MAP3K5: variants seen among roughly 807,000 people sequenced by gnomAD.
MAP3K5 encodes ASK-1.
Under a neutral mutation model 158.7 loss-of-function variants are expected in MAP3K5, and 56 were observed. The ratio of observed to expected loss-of-function variants is 0.35; its 90% CI spans 0.28 to 0.44. MAP3K5 has a LOEUF of 0.44. Ranked by LOEUF, MAP3K5 falls within the 20% of genes least tolerant of loss-of-function variation. MAP3K5 has a pLI of 1.00. For missense variants in MAP3K5, 1,294 were observed against 1,674.8 expected (o/e 0.77, Z 3.97); for synonymous variants, 579 against 601.7 (o/e 0.96, Z 0.55).
At chr6:136,667,628 G>A (rs1332802136) in intron 8 of MAP3K5, among the ~76,000 whole-genome samples, 1 of 151,924 alleles carries the variant, frequency 6.6e-6, no homozygotes, top group Non-Finnish European at 1.5e-5. Flanking sequence ...TTTGAAAAAA[G>A]CACTAAGAAA....
intron 1 of MAP3K5, among the ~76,000 whole-genome samples, chr6:136,765,720 G>C (rs1232444858): frequency 1.4e-5 from 2 of 143,352 alleles, no homozygotes; most frequent in African/African-American, 2.6e-5. Flanking sequence ...AGTAGAGACA[G>C]GGTTTCACCA....
Position 136,567,881 on chromosome 6 carries a change from G to T in MAP3K5, c.3518-7C>A. ...CTGAAATGTGGCCTTAGTTCTGTTT[G>T]GCATAATATCAGTGGTAGTGTTTAT... On this transcript the variant is annotated splice_polypyrimidine_tract_variant and splice_region_variant and intron_variant, in intron 25 of 29. Transcript: ENST00000359015. The T allele has an allele frequency of 1.9e-6, 3 of 1,613,046 alleles. No homozygotes were observed. Among genetic ancestry groups the T allele is most frequent in the Non-Finnish European group, 2.5e-6 (3 of 1,179,724 alleles).
At chr6:136,574,941 G>A (rs1388530654) in intron 25 of MAP3K5, among the ~76,000 whole-genome samples, 3 of 151,596 alleles carry the variant, frequency 2.0e-5, no homozygotes, top group Non-Finnish European at 2.9e-5. Context: ...CGCCCGCCTC[G>A]GCCTCCCAAA....
intron 2 of MAP3K5, among the ~76,000 whole-genome samples, chr6:136,713,769 G>T (rs1326222132): frequency 9.8e-6 from 1 of 102,458 alleles, no homozygotes; most frequent in East Asian, 2.6e-4. Flanking sequence ...GTTGAACCAG[G>T]AAGAGTAGAG....
In MAP3K5 at chr6:136,613,996, T is replaced by C. The variant is rs1274631564; in HGVS notation, c.2278+163A>G. On this transcript the variant is annotated intron_variant, in intron 16 of 29. Coordinates refer to ENST00000359015, the MANE Select transcript of MAP3K5 (RefSeq NM_005923.4). The surrounding 1 kb of genome is among the most constrained non-coding windows in gnomAD (Gnocchi z 4.0). ...TTAGGATATTTTCTAAATCTCATCA[T>C]TTATGGTTGACATCTCCTAACAAAC... is the stretch of plus-strand genomic sequence containing the variant. Among the ~76,000 whole-genome samples the C allele has an allele frequency of 1.3e-5, 2 of 152,256 alleles. No homozygotes were observed. The highest frequency in any genetic ancestry group is 2.9e-5 in the Non-Finnish European group (2 of 68,052).
At chr6:136,652,075 A>C (rs1201046301) in intron 10 of MAP3K5, among the ~76,000 whole-genome samples, 1 of 152,188 alleles carries the variant, frequency 6.6e-6, no homozygotes, top group African/African-American at 2.4e-5. Context: ...TGAATCAAGC[A>C]AGTTTTCCAA....
chr6:136,784,338 T>A (rs931673010), intron 1 of MAP3K5, among the ~76,000 whole-genome samples: 1 of 152,204 alleles, frequency 6.6e-6, no homozygotes, highest in Non-Finnish European at 1.5e-5. Context: ...ATTTTGCTTT[T>A]TTCCGTCCGA....
intron 28 of MAP3K5, among the ~76,000 whole-genome samples, chr6:136,561,269 C>A (rs1830498450): frequency 1.3e-5 from 2 of 152,326 alleles, no homozygotes; most frequent in African/African-American, 4.8e-5. Context: ...TCATTCCCTT[C>A]TCCAACAACC....
Position 136,675,699 on chromosome 6 carries a change from C to A in MAP3K5, c.1254-6304G>T, listed in dbSNP as rs995646727. Among the ~76,000 whole-genome samples, 4 of 151,646 alleles carry A rather than the reference C, an allele frequency of 2.6e-5. 1 individual carries two copies. The highest frequency in any genetic ancestry group is 9.7e-5 in the African/African-American group (4 of 41,274). ...AGGAGCAAGGTTGAAAATCAATGCT[C>A]CAAGCTTTCATCTAGTAAACGAACA... On this transcript the variant is annotated intron_variant, in intron 7 of 29. Transcript: ENST00000359015.
intron 25 of MAP3K5, among the ~76,000 whole-genome samples, chr6:136,574,683 CTT>C (rs1223054758): frequency 1.8e-5 from 2 of 108,544 alleles, no homozygotes; most frequent in Non-Finnish European, 3.6e-5. Flanking sequence ...AGATTAAACA[CTT>C]TTTTTTTTTT....
intron 7 of MAP3K5, among the ~76,000 whole-genome samples, chr6:136,673,538 CA>C (rs1562600442): frequency 6.6e-6 from 1 of 151,688 alleles, no homozygotes. Flanking sequence ...TAAACAACTT[CA>C]AAAAAGAATC....
intron 23 of MAP3K5, among the ~76,000 whole-genome samples, chr6:136,590,380 T>C (rs1030802399): frequency 6.6e-6 from 1 of 152,194 alleles, no homozygotes; most frequent in African/African-American, 2.4e-5. Context: ...GCTTTTGTTT[T>C]CTTCAGAGTA....
At chr6:136,777,437 C>T (rs1361653875) in intron 1 of MAP3K5, among the ~76,000 whole-genome samples, 1 of 152,086 alleles carries the variant, frequency 6.6e-6, no homozygotes, top group Non-Finnish European at 1.5e-5. Flanking sequence ...CTCACTGCAG[C>T]CTGAAAAATT....
intron 6 of MAP3K5, 113 bp from the exon 7 acceptor site, chr6:136,694,423 C>T (rs930509018): frequency 4.7e-5 from 41 of 873,378 alleles, no homozygotes; most frequent in Non-Finnish European, 6.6e-5. Flanking sequence ...TTTGCCAGGA[C>T]AGAAACAATT....
chr6:136,592,684 T>G (rs1775446443), intron 21 of MAP3K5, 70 bp from the exon 22 acceptor site: 1 of 1,236,376 alleles, frequency 8.1e-7, no homozygotes, highest in Admixed American at 1.8e-5. Flanking sequence ...AAACACCCAT[T>G]GAAAGAGGCC....
intron 1 of MAP3K5, among the ~76,000 whole-genome samples, chr6:136,774,614 T>C (rs765377289): frequency 1.8e-4 from 28 of 152,216 alleles, no homozygotes; most frequent in Non-Finnish European, 3.7e-4. Context: ...GGTCACACAC[T>C]GATACAGAAG....
intron 3 of MAP3K5, 67 bp from the exon 4 acceptor site, chr6:136,698,749 C>A: frequency 9.5e-7 from 1 of 1,054,160 alleles, no homozygotes; most frequent in Admixed American, 2.4e-5. Flanking sequence ...TGGAATCCCA[C>A]GTCTTACTCA....
At chr6:136,685,980 G>C (rs1780130176) in intron 7 of MAP3K5, among the ~76,000 whole-genome samples, 1 of 152,174 alleles carries the variant, frequency 6.6e-6, no homozygotes, top group Non-Finnish European at 1.5e-5. Flanking sequence ...GACTATGTTT[G>C]CACTACAGCG....
chr6:136,769,527 T>C (rs1327635192), intron 1 of MAP3K5, among the ~76,000 whole-genome samples: 1 of 151,606 alleles, frequency 6.6e-6, no homozygotes, highest in Non-Finnish European at 1.5e-5. Context: ...TCTCAATTTT[T>C]AAAATAAATT....
Sources: gnomAD v4.1 joint callset for allele counts (sites outside exome capture counted in the v4.1 genomes callset) on GRCh38, gnomAD v4.1.1 for gene constraint, Gnocchi (gnomAD v3.1) non-coding constraint, MANE v1.5 for transcripts, NCBI Gene and HGNC (gene_info 2026-07-23, HGNC 2026-07-21) for gene names.